Variants in USP34 observed in about 807,000 individuals in gnomAD.
The protein encoded by USP34 is ubiquitin carboxyl-terminal hydrolase 34.
A neutral mutation model predicts 460.3 loss-of-function variants in USP34; 70 were observed. That is an observed-to-expected ratio of 0.15 (90% CI 0.13 to 0.19). USP34 has a LOEUF of 0.19. Ranked by LOEUF, USP34 falls within the 10% of genes least tolerant of loss-of-function variation. USP34 has a pLI of 1.00. For synonymous variants in USP34, 1,647 were observed against 1,405.3 expected, an observed-to-expected ratio of 1.17 and a Z score of -3.85; for missense variants, 3,985 against 4,236.2, an observed-to-expected ratio of 0.94 and a Z score of 1.65.
intron 10 of USP34, among the ~76,000 whole-genome samples, chr2:61,361,975 A>G (rs1405209670): frequency 6.6e-6 from 1 of 151,564 alleles, no homozygotes; most frequent in Non-Finnish European, 1.5e-5. Context: ...AAAAAATAAT[A>G]AATAAATAAA....
At chr2:61,218,964 G>C (rs1322806406) in intron 67 of USP34, among the ~76,000 whole-genome samples, 6 of 152,190 alleles carry the variant, frequency 3.9e-5, no homozygotes, top group Admixed American at 2.0e-4. Context: ...TTGGAAGAAA[G>C]TCACTAAGCT....
chr2:61,404,031 T>C (rs1240479297), intron 3 of USP34, among the ~76,000 whole-genome samples: 2 of 110,432 alleles, frequency 1.8e-5, no homozygotes, highest in Admixed American at 2.0e-4. Flanking sequence ...TTTAGAACAG[T>C]AAGGAAAGAA....
At chr2:61,243,821 G>T (rs1234023509) in intron 51 of USP34, among the ~76,000 whole-genome samples, 1 of 149,472 alleles carries the variant, frequency 6.7e-6, no homozygotes, top group Non-Finnish European at 1.5e-5. Context: ...AGTGAGCCAA[G>T]ATCACGCCAC....
At chr2:61,421,949 T>G (rs997329648) in intron 1 of USP34, among the ~76,000 whole-genome samples, 1 of 151,636 alleles carries the variant, frequency 6.6e-6, no homozygotes, top group Non-Finnish European at 1.5e-5. Flanking sequence ...CAAAAAGGGG[T>G]TTAAAAAAAA....
intron 1 of USP34, among the ~76,000 whole-genome samples, chr2:61,447,389 TTCTATC>T (rs1244515397): frequency 2.6e-5 from 4 of 152,188 alleles, no homozygotes; most frequent in Non-Finnish European, 4.4e-5. Context: ...ATTTTAATTT[TTCTATC>T]AAAGCTCAAA....
At chr2:61,194,717 A>G (rs1363720152) in intron 75 of USP34, among the ~76,000 whole-genome samples, 1 of 152,216 alleles carries the variant, frequency 6.6e-6, no homozygotes, top group East Asian at 1.9e-4. Context: ...ACACTTTGGG[A>G]GGCCAAGGTG....
chr2:61,367,771 CTG>C (rs1385512382), intron 10 of USP34, among the ~76,000 whole-genome samples: 1 of 151,896 alleles, frequency 6.6e-6, no homozygotes, highest in African/African-American at 2.4e-5. Flanking sequence ...AACTTTGAGA[CTG>C]TGAATAATGC....
chr2:61,242,366 C>G (rs1478999636), intron 51 of USP34, among the ~76,000 whole-genome samples: 1 of 151,882 alleles, frequency 6.6e-6, no homozygotes, highest in African/African-American at 2.4e-5. Flanking sequence ...TCAGTACACA[C>G]TTTAAGCAAT....
chr2:61,273,677 T>C (rs1025070902), intron 41 of USP34, among the ~76,000 whole-genome samples: 6 of 152,154 alleles, frequency 3.9e-5, no homozygotes, highest in Non-Finnish European at 8.8e-5. Flanking sequence ...ACTGCACCAC[T>C]GCACTCCAGC....
chr2:61,464,717 CAAA>C (rs35331685), intron 1 of USP34, among the ~76,000 whole-genome samples: 3 of 77,994 alleles, frequency 3.8e-5, no homozygotes, highest in East Asian at 4.4e-4. Context: ...GACTCCGTCT[CAAA>C]AAAAAAAAAA....
intron 27 of USP34, among the ~76,000 whole-genome samples, chr2:61,304,260 T>C (rs1046713121): frequency 5.9e-5 from 9 of 152,190 alleles, no homozygotes; most frequent in Non-Finnish European, 1.2e-4. Flanking sequence ...TGATTGATAT[T>C]TGCAATATTA....
intron 70 of USP34, 157 bp from the exon 71 acceptor site, chr2:61,207,043 A>C: frequency 1.4e-6 from 1 of 690,020 alleles, no homozygotes; most frequent in Non-Finnish European, 2.3e-6. Flanking sequence ...CCTGAAGTTA[A>C]ACTCTCATTA....
Position 61,280,293 on chromosome 2 carries a change from CA to C in USP34, c.5206del (p.Trp1736GlyfsTer6), listed in dbSNP as rs2103955010. 2.6e-6 allele frequency: 4 copies of C among 1,559,030 alleles called. No homozygotes were observed. Among genetic ancestry groups the C allele is most frequent in the East Asian group, 2.4e-5 (1 of 41,788 alleles). On this transcript the variant is annotated frameshift_variant, in exon 39 of 80. Transcript: ENST00000398571. LOFTEE classifies it high-confidence loss of function. ...ILKPGCKEYF[W>X]LLCKLVDNIH... is the part of the protein sequence containing the mutation. ...GTTGTCAACTAATTTGCATAACAACCAAAAATACTCTTTACATCCTGGTTTT... is the reference window on the plus strand; with the variant it reads ...GTTGTCAACTAATTTGCATAACAACCAAAATACTCTTTACATCCTGGTTTT...
intron 7 of USP34, 61 bp downstream of exon 7, chr2:61,380,108 G>T: frequency 6.8e-7 from 1 of 1,468,528 alleles, no homozygotes; most frequent in Non-Finnish European, 9.3e-7. Context: ...ATAGTGGGTA[G>T]TATTATGATA....
intron 6 of USP34, among the ~76,000 whole-genome samples, chr2:61,382,134 G>T (rs1272508274): frequency 6.6e-6 from 1 of 151,626 alleles, no homozygotes; most frequent in Non-Finnish European, 1.5e-5. Flanking sequence ...CTTTCAATTG[G>T]TCTCCTCCTA....
At chr2:61,254,697 T>G (rs1381829276) in intron 48 of USP34, among the ~76,000 whole-genome samples, 2 of 152,254 alleles carry the variant, frequency 1.3e-5, no homozygotes, top group Non-Finnish European at 2.9e-5. Flanking sequence ...GCTTCATGCC[T>G]GTAATATCAG....
chr2:61,400,940 A>G (rs1166170601), intron 3 of USP34, among the ~76,000 whole-genome samples: 1 of 152,058 alleles, frequency 6.6e-6, no homozygotes, highest in East Asian at 1.9e-4. Context: ...TCACAAGATC[A>G]AGTGATTGAG....
chr2:61,278,009 C>T (rs1286523847), intron 41 of USP34, 156 bp downstream of exon 41: 3 of 982,010 alleles, frequency 3.1e-6, no homozygotes, highest in Non-Finnish European at 4.3e-6. Flanking sequence ...TCCCCAGCCA[C>T]ATGGAACTCT....
chr2:61,266,936 C>G (rs1689067202), intron 41 of USP34, among the ~76,000 whole-genome samples: 1 of 152,160 alleles, frequency 6.6e-6, no homozygotes, highest in Non-Finnish European at 1.5e-5. Flanking sequence ...TGCTAAAGAC[C>G]TGTTTTCCTT....
Sources: allele counts gnomAD v4.1 joint callset (sites outside exome capture counted in the v4.1 genomes callset), GRCh38; gene constraint gnomAD v4.1.1; transcripts MANE v1.5; gene names NCBI Gene and HGNC (gene_info 2026-07-23, HGNC 2026-07-21).